Variants in PHACTR4 observed in about 807,000 individuals in gnomAD.
PHACTR4 encodes the protein phosphatase and actin regulator 4, also known as protein phosphatase 1, regulatory subunit 124.
Under a neutral mutation model 72.7 loss-of-function variants are expected in PHACTR4, and 51 were observed. The ratio of observed to expected loss-of-function variants is 0.70; its 90% confidence interval spans 0.56 to 0.89. The LOEUF is 0.89. Ranked by LOEUF, PHACTR4 falls within the 40% of genes least tolerant of loss-of-function variation. PHACTR4 has a pLI of 0.00. For synonymous variants in PHACTR4, 255 were observed against 302.5 expected, an observed-to-expected ratio of 0.84 and a Z score of 1.63; for missense variants, 731 against 861.8, an observed-to-expected ratio of 0.85 and a Z score of 1.90.
At position 28,453,903 on chromosome 1, in the gene PHACTR4, A is replaced by G. The variant is rs61785962; in HGVS notation, c.17-5182A>G. 1,659 of 807,668 alleles carry G rather than the reference A, an allele frequency of 2.1e-3. 8 individuals carry two copies. The highest frequency in any genetic ancestry group is 3.7e-3 in the Middle Eastern group (9 of 2,458). 50.0% of individuals were successfully genotyped at this position (807,668 alleles called of 1,614,324 possible). On this transcript the variant is annotated intron_variant, in intron 2 of 13. Coordinates refer to ENST00000373839, the MANE Select transcript of PHACTR4 (RefSeq NM_001048183.3). Reference sequence around the variant, plus strand: ...ACCAAAAGAAGAGGACCCTGGATGTAATTCAGGCAGGAAAAGAATACATGG... The same window carrying G: ...ACCAAAAGAAGAGGACCCTGGATGTGATTCAGGCAGGAAAAGAATACATGG...
intron 2 of PHACTR4, chr1:28,438,180 C>T: frequency 1.5e-6 from 2 of 1,291,078 alleles, no homozygotes; most frequent in Non-Finnish European, 9.9e-7. Context: ...AGTGTGAAGA[C>T]AGTTTTGTAA....
chr1:28,496,660 G>GAAGATCCCAGA lies in PHACTR4; in HGVS notation c.*111_*112insAAGATCCCAGA. The GAAGATCCCAGA allele has an allele frequency of 7.8e-7, 1 of 1,278,072 alleles. No individual in the cohort carries two copies. The highest frequency in any genetic ancestry group is 1.1e-6 in the Non-Finnish European group (1 of 884,282). 79.2% of individuals were successfully genotyped at this position (1,278,072 alleles called of 1,614,324 possible). A position where few individuals can be genotyped will look rare whatever the true frequency, so the allele number is the denominator to read the frequency against. On this transcript the variant is annotated 3_prime_UTR_variant, in exon 14 of 14. Transcript: ENST00000373839. Reference sequence around the variant, plus strand: ...CAGCACAGCCAGAATTGCATCCTCTGGGATCTTCTGAGGTGGACAGCACTT... The same window carrying GAAGATCCCAGA: ...CAGCACAGCCAGAATTGCATCCTCTGAAGATCCCAGAGGATCTTCTGAGGTGGACAGCACTT...
chr1:28,437,465 A>C (rs1191231602), intron 2 of PHACTR4, among the ~76,000 whole-genome samples: 1 of 152,148 alleles, frequency 6.6e-6, no homozygotes, highest in Non-Finnish European at 1.5e-5. Flanking sequence ...CTTGGGCTTA[A>C]GTAATCCTTC....
At chr1:28,418,192 G>A (rs1314564154) in intron 2 of PHACTR4, among the ~76,000 whole-genome samples, 1 of 151,904 alleles carries the variant, frequency 6.6e-6, no homozygotes, top group African/African-American at 2.4e-5. Context: ...CCGGCTGGGT[G>A]TGGTGGCTCA....
intron 13 of PHACTR4, among the ~76,000 whole-genome samples, chr1:28,495,711 T>C (rs1162317867): frequency 6.6e-6 from 1 of 150,702 alleles, no homozygotes; most frequent in East Asian, 2.0e-4. Flanking sequence ...CAACCTCTCA[T>C]GTTCAAGCCA....
At chr1:28,437,633 G>T (rs981106418) in intron 2 of PHACTR4, among the ~76,000 whole-genome samples, 1 of 152,276 alleles carries the variant, frequency 6.6e-6, no homozygotes, top group African/African-American at 2.4e-5. Context: ...CCAGACAGTT[G>T]TCTTCTTGCG....
chr1:28,404,764 A>G (rs563596935), intron 1 of PHACTR4, among the ~76,000 whole-genome samples: 8 of 152,214 alleles, frequency 5.3e-5, no homozygotes, highest in African/African-American at 1.9e-4. Context: ...TTATGTATTT[A>G]TTTAACTTTT....
In PHACTR4 at chr1:28,498,625, C is replaced by T. The variant is rs1661496076; in HGVS notation, c.*2076C>T. The T allele has an allele frequency of 6.6e-6, 1 of 151,942 alleles. No individual in the cohort carries two copies. Among genetic ancestry groups the T allele is most frequent in the Non-Finnish European group, 1.5e-5 (1 of 67,960 alleles). 9.4% of individuals were successfully genotyped at this position (151,942 alleles called of 1,614,324 possible). A position where few individuals can be genotyped will look rare whatever the true frequency, so the allele number is the denominator to read the frequency against. Reference sequence around the variant, plus strand: ...TAATCTGATGAATGTGGCTTTTTTTCCCTTCACTTTAATGTTCAAGAAGTT... The same window carrying T: ...TAATCTGATGAATGTGGCTTTTTTTTCCTTCACTTTAATGTTCAAGAAGTT... On this transcript the variant is annotated 3_prime_UTR_variant, in exon 14 of 14. Coordinates refer to ENST00000373839, the MANE Select transcript of PHACTR4 (RefSeq NM_001048183.3).
chr1:28,462,499 CTGGAA>C (rs1169932382), intron 4 of PHACTR4, among the ~76,000 whole-genome samples: 1 of 152,098 alleles, frequency 6.6e-6, no homozygotes, highest in Admixed American at 6.6e-5. Context: ...TCCCGAGTAG[CTGGAA>C]TTATAGGCAT....
intron 2 of PHACTR4, among the ~76,000 whole-genome samples, chr1:28,431,352 G>T (rs907450098): frequency 1.3e-5 from 2 of 150,044 alleles, no homozygotes; most frequent in African/African-American, 4.9e-5. Context: ...GTGCCACCAT[G>T]CCCAGCTAAT....
chr1:28,370,051 C>T (rs1382091127), intron 1 of PHACTR4, among the ~76,000 whole-genome samples: 2 of 152,208 alleles, frequency 1.3e-5, no homozygotes, highest in African/African-American at 2.4e-5. Context: ...TGAGGCAGGG[C>T]CCGCGCAGGC....
chr1:28,408,261 GA>G (rs1468087198), intron 2 of PHACTR4, among the ~76,000 whole-genome samples: 1 of 151,978 alleles, frequency 6.6e-6, no homozygotes, highest in Non-Finnish European at 1.5e-5. Context: ...TTGGCCAATG[GA>G]AGATAACATG....
intron 2 of PHACTR4, among the ~76,000 whole-genome samples, chr1:28,436,925 A>C (rs1375299402): frequency 6.6e-6 from 1 of 152,198 alleles, no homozygotes; most frequent in African/African-American, 2.4e-5. Context: ...GAAATTATTG[A>C]GTTTTAGCAA....
intron 10 of PHACTR4, 81 bp downstream of exon 10, chr1:28,489,306 G>A: frequency 8.1e-7 from 1 of 1,235,946 alleles, no homozygotes; most frequent in Non-Finnish European, 1.1e-6. Context: ...GAAAAAAGAA[G>A]CGTTTGCTAC....
At chr1:28,495,621 T>A (rs78025786) in intron 13 of PHACTR4, among the ~76,000 whole-genome samples, 46,407 of 149,996 alleles carry the variant, frequency 0.31, 7,404 homozygotes, top group Middle Eastern at 0.36. Context: ...TTATTTTTTT[T>A]TTTTTTATTT....
At chr1:28,479,419 C>CAA (rs1019186726) in intron 8 of PHACTR4, among the ~76,000 whole-genome samples, 7 of 61,586 alleles carry the variant, frequency 1.1e-4, no homozygotes, top group African/African-American at 2.8e-4. Flanking sequence ...GACTCTGTCG[C>CAA]AAAAAAAAAA....
chr1:28,379,739 G>A (rs1294076418), intron 1 of PHACTR4, among the ~76,000 whole-genome samples: 11 of 151,474 alleles, frequency 7.3e-5, no homozygotes, highest in Admixed American at 1.3e-4. Context: ...ACAGGCGCCC[G>A]CCACCACACC....
intron 2 of PHACTR4, among the ~76,000 whole-genome samples, chr1:28,409,113 T>A (rs1483323246): frequency 6.7e-6 from 1 of 149,910 alleles, no homozygotes; most frequent in Non-Finnish European, 1.5e-5. Flanking sequence ...TGGAACCCCT[T>A]TTCTTTCTTT....
At chr1:28,413,439 T>C (rs761546642) in intron 2 of PHACTR4, among the ~76,000 whole-genome samples, 22 of 152,216 alleles carry the variant, frequency 1.4e-4, no homozygotes, top group Non-Finnish European at 2.1e-4. Flanking sequence ...GCTTCTTTCC[T>C]GTGTTAGCTC....
Sources: gnomAD v4.1 joint callset for allele counts (sites outside exome capture counted in the v4.1 genomes callset) on GRCh38, gnomAD v4.1.1 for gene constraint, MANE v1.5 for transcripts, NCBI Gene and HGNC (gene_info 2026-07-23, HGNC 2026-07-21) for gene names.